Variants in GPC5 observed in about 807,000 individuals in gnomAD.
The protein encoded by GPC5 is glypican-5.
In GPC5, 47 loss-of-function variants were observed where a neutral mutation model predicts 53.9. That is an observed-to-expected ratio of 0.87 (90% CI 0.69 to 1.11). The LOEUF (loss-of-function observed/expected upper bound fraction) is 1.11, where lower values mean the gene tolerates loss of function less well. GPC5 is among the 50% of genes most tolerant of loss of function. The probability of loss-of-function intolerance (pLI) is 0.00; values close to 1 mark genes in which losing one functional copy is unlikely to be tolerated. For synonymous variants in GPC5, 286 were observed against 263.3 expected, an observed-to-expected ratio of 1.09 and a Z score of -0.84; for missense variants, 748 against 713.1, an observed-to-expected ratio of 1.05 and a Z score of -0.56.
chr13:92,743,076 G>C (rs1889147433), intron 7 of GPC5, among the ~76,000 whole-genome samples: 1 of 151,378 alleles, frequency 6.6e-6, no homozygotes, highest in Non-Finnish European at 1.5e-5. Flanking sequence ...CTCTTTTTTG[G>C]TTCCACATGA....
intron 5 of GPC5, among the ~76,000 whole-genome samples, chr13:91,829,698 T>C (rs377741567): frequency 6.6e-6 from 1 of 151,818 alleles, no homozygotes; most frequent in African/African-American, 2.4e-5. Context: ...GCTTGAGAAA[T>C]AAAGGGACAG....
chr13:92,045,865 G>A (rs1219813588), intron 6 of GPC5, among the ~76,000 whole-genome samples: 1 of 152,060 alleles, frequency 6.6e-6, no homozygotes, highest in African/African-American at 2.4e-5. Flanking sequence ...TGGGGGATGA[G>A]AAAAATTATA....
chr13:91,792,024 A>G (rs2037973723), intron 5 of GPC5, among the ~76,000 whole-genome samples: 1 of 152,228 alleles, frequency 6.6e-6, no homozygotes, highest in Non-Finnish European at 1.5e-5. Flanking sequence ...AACGAATTCC[A>G]TGCTTTCAGA....
chr13:91,847,949 G>C (rs2038870815), intron 5 of GPC5, among the ~76,000 whole-genome samples: 1 of 152,158 alleles, frequency 6.6e-6, no homozygotes, highest in African/African-American at 2.4e-5. Context: ...CTTTGGAAAA[G>C]ATCATTGTAG....
chr13:92,195,073 G>T (rs1365908480), intron 7 of GPC5, among the ~76,000 whole-genome samples: 1 of 152,146 alleles, frequency 6.6e-6, no homozygotes, highest in African/African-American at 2.4e-5. Flanking sequence ...CCAACGATAA[G>T]AATTGACAAT....
intron 7 of GPC5, among the ~76,000 whole-genome samples, chr13:92,573,007 G>T (rs2139043106): frequency 6.6e-6 from 1 of 152,238 alleles, no homozygotes; most frequent in Non-Finnish European, 1.5e-5. Flanking sequence ...TAATAAATTG[G>T]CTTTGATGCG....
At chr13:91,949,492 A>T (rs1424521161) in intron 6 of GPC5, among the ~76,000 whole-genome samples, 1 of 152,214 alleles carries the variant, frequency 6.6e-6, no homozygotes, top group Non-Finnish European at 1.5e-5. Context: ...GATAAGTTTT[A>T]TGGTTCAGGA....
At chr13:92,374,010 C>G (rs933524051) in intron 7 of GPC5, among the ~76,000 whole-genome samples, 2 of 152,128 alleles carry the variant, frequency 1.3e-5, no homozygotes, top group African/African-American at 4.8e-5. Flanking sequence ...TTATAGCATA[C>G]TATTTTGACC....
intron 7 of GPC5, among the ~76,000 whole-genome samples, chr13:92,783,965 A>G (rs1246793561): frequency 6.6e-6 from 1 of 152,218 alleles, no homozygotes; most frequent in Non-Finnish European, 1.5e-5. Flanking sequence ...CCCCCTTCAT[A>G]TCTAAAGCCA....
At chr13:92,188,701 CATA>C (rs1467228336) in intron 7 of GPC5, among the ~76,000 whole-genome samples, 1 of 151,996 alleles carries the variant, frequency 6.6e-6, no homozygotes, top group African/African-American at 2.4e-5. Context: ...TCCTAATTAT[CATA>C]AAATAAATAA....
At chr13:91,964,274 A>C (rs2040158841) in intron 6 of GPC5, among the ~76,000 whole-genome samples, 1 of 152,190 alleles carries the variant, frequency 6.6e-6, no homozygotes, top group Non-Finnish European at 1.5e-5. Context: ...CAAAGCCTCC[A>C]AAGGGTGGAA....
At position 92,480,606 on chromosome 13, in the gene GPC5, A is replaced by T. The variant is rs140536949; in HGVS notation, c.1561+335617A>T. 2.4e-3 allele frequency among the ~76,000 whole-genome samples: 368 copies of T among 152,268 alleles called. 3 individuals are homozygous for T. Among genetic ancestry groups the T allele is most frequent in the African/African-American group, 8.2e-3 (342 of 41,560 alleles). On this transcript the variant is annotated intron_variant, in intron 7 of 7. Coordinates refer to ENST00000377067, the MANE Select transcript of GPC5 (RefSeq NM_004466.6). ...GTCTTTCTCTCACATTTCTAGTCTCATGGTCGCAAGATGACAGATTATCCC... is the reference window on the plus strand; with the variant it reads ...GTCTTTCTCTCACATTTCTAGTCTCTTGGTCGCAAGATGACAGATTATCCC...
In GPC5 at chr13:92,429,210, A is replaced by G. The variant is rs566294221; in HGVS notation, c.1561+284221A>G. On this transcript the variant is annotated intron_variant, in intron 7 of 7. Transcript: ENST00000377067. The stretch of plus-strand genomic sequence containing the variant: ...CAGAATAATTCATATGCAAATATCT[A>G]TCATGAAAAACCATTCAAAATTAAA... 2.6e-5 allele frequency among the ~76,000 whole-genome samples: 4 copies of G among 152,170 alleles called. No individual in the cohort carries two copies. The South Asian group carries it at 8.3e-4, about 31-fold the overall frequency.
intron 7 of GPC5, among the ~76,000 whole-genome samples, chr13:92,785,596 A>G (rs1187935209): frequency 6.6e-6 from 1 of 152,196 alleles, no homozygotes; most frequent in Non-Finnish European, 1.5e-5. Flanking sequence ...TCAACCTAGG[A>G]ATCCATCATA....
chr13:92,032,794 G>A (rs1436086879), intron 6 of GPC5, among the ~76,000 whole-genome samples: 1 of 152,168 alleles, frequency 6.6e-6, no homozygotes, highest in African/African-American at 2.4e-5. Context: ...CACATTGTCT[G>A]TTTCTCTCAA....
chr13:92,078,083 C>T (rs548403941), intron 6 of GPC5, among the ~76,000 whole-genome samples: 20 of 151,720 alleles, frequency 1.3e-4, no homozygotes, highest in African/African-American at 4.8e-4. Context: ...ATCATATATA[C>T]CTAAGTATGA....
chr13:91,517,620 C>T (rs367807878), intron 2 of GPC5, among the ~76,000 whole-genome samples: 65 of 152,290 alleles, frequency 4.3e-4, no homozygotes, highest in African/African-American at 1.5e-3. Context: ...TTCCAAATTG[C>T]TTCCACATTT....
At chr13:92,358,976 G>C (rs1416941739) in intron 7 of GPC5, among the ~76,000 whole-genome samples, 1 of 151,748 alleles carries the variant, frequency 6.6e-6, no homozygotes, top group Non-Finnish European at 1.5e-5. Context: ...CAGCTGGCTT[G>C]AATTCTTCCC....
In GPC5 at chr13:92,245,734, T is replaced by C. The variant is rs564806089; in HGVS notation, c.1561+100745T>C. ...CAGAAAATATATTTTACTATTTATT[T>C]TCTCTTAAAATAATGTTGGCACTAC... is the stretch of plus-strand genomic sequence containing the variant. On this transcript the variant is annotated intron_variant, in intron 7 of 7. Coordinates refer to ENST00000377067, the MANE Select transcript of GPC5 (RefSeq NM_004466.6). Among the ~76,000 whole-genome samples the C allele has an allele frequency of 1.4e-4, 22 of 152,274 alleles. No homozygotes were observed. The South Asian group carries it at 4.6e-3, about 32-fold the overall frequency.
Sources: gnomAD v4.1 joint callset for allele counts (sites outside exome capture counted in the v4.1 genomes callset) on GRCh38, gnomAD v4.1.1 for gene constraint, MANE v1.5 for transcripts, NCBI Gene and HGNC (gene_info 2026-07-23, HGNC 2026-07-21) for gene names.